Variants in BTG3 observed in about 807,000 individuals in gnomAD.
BTG3 encodes the protein BTG anti-proliferation factor 3.
Under a neutral mutation model 25.8 loss-of-function variants are expected in BTG3, and 4 were observed. The ratio of observed to expected loss-of-function variants is 0.16; its 90% CI spans 0.08 to 0.36. The LOEUF (loss-of-function observed/expected upper bound fraction) is 0.36. Among genes scored for constraint, BTG3 ranks in the 10% least tolerant of loss-of-function variants. The probability of loss-of-function intolerance (pLI) is 1.00; values close to 1 mark genes in which losing one functional copy is unlikely to be tolerated. For missense variants in BTG3, 201 were observed against 304.9 expected, an observed-to-expected ratio of 0.66 and a Z score of 2.54; for synonymous variants, 107 against 99.9, an observed-to-expected ratio of 1.07 and a Z score of -0.42.
At chr21:17,603,656 A>T (rs2061601744) in intron 3 of BTG3, among the ~76,000 whole-genome samples, 1 of 152,186 alleles carries the variant, frequency 6.6e-6, no homozygotes, top group South Asian at 2.1e-4. Flanking sequence ...AACCAAATAG[A>T]AACATCCTAA....
intron 3 of BTG3, among the ~76,000 whole-genome samples, chr21:17,599,890 T>C (rs375861331): frequency 6.6e-6 from 1 of 152,176 alleles, no homozygotes; most frequent in East Asian, 1.9e-4. Context: ...AGGGGGCCTG[T>C]TATTTATACT....
intron 3 of BTG3, among the ~76,000 whole-genome samples, chr21:17,600,933 G>C (rs559617605): frequency 6.6e-6 from 1 of 152,226 alleles, no homozygotes; most frequent in African/African-American, 2.4e-5. Context: ...GGAGGCCAAG[G>C]CGGGTGGATC....
chr21:17,612,632 C>G, intron 1 of BTG3, 67 bp downstream of exon 1: 1 of 152,206 alleles, frequency 6.6e-6, no homozygotes, highest in Middle Eastern at 3.2e-3. Flanking sequence ...GCAGGGGCGA[C>G]GGGACCACCC....
rs770438493 is a variant in BTG3 at position 17,594,293 on chromosome 21, G to C, written c.559C>G (p.Pro187Ala). ...LIFPPLPMWH[P>A]LPRKKPGMYR... The stretch of plus-strand genomic sequence containing the variant: ...ATTCCTGGCTTTTTTCTGGGCAAAG[G>C]GTGCCACATTGGAAGAGGTGGAAAT... The change falls in exon 5 of 5, where the codon CCT becomes GCT. Residue 187 changes from proline to alanine, a missense_variant. Transcript: ENST00000348354. The C allele has an allele frequency of 1.9e-6, 3 of 1,612,998 alleles. No individual in the cohort carries two copies. The highest frequency in any genetic ancestry group is 1.7e-5 in the Admixed American group (1 of 59,924).
chr21:17,603,649 C>A (rs1217805922), intron 3 of BTG3, among the ~76,000 whole-genome samples: 1 of 152,116 alleles, frequency 6.6e-6, no homozygotes, highest in Non-Finnish European at 1.5e-5. Context: ...ACCTCAAAAC[C>A]AAATAGAAAC....
In BTG3 at chr21:17,593,871, T is replaced by C. The variant is rs2061467636; in HGVS notation, c.*222A>G. ...ATACTCAAGTCCAATATTAAAAACT[T>C]AGGCACTTGACTAACTTTAATAAAA... On this transcript the variant is annotated 3_prime_UTR_variant, in exon 5 of 5. Transcript: ENST00000348354. 1.8e-6 allele frequency: 1 copy of C among 551,166 alleles called. No individual in the cohort carries two copies. Among genetic ancestry groups the C allele is most frequent in the African/African-American group, 1.9e-5 (1 of 51,692 alleles). 34.1% of individuals were successfully genotyped at this position (551,166 alleles called of 1,614,324 possible).
intron 4 of BTG3, among the ~76,000 whole-genome samples, chr21:17,597,903 A>C (rs564469181): frequency 6.6e-6 from 1 of 152,288 alleles, no homozygotes; most frequent in East Asian, 1.9e-4. Flanking sequence ...GGTATGTTTC[A>C]CATTTAATCA....
intron 4 of BTG3, among the ~76,000 whole-genome samples, chr21:17,594,542 G>A (rs1569169985): frequency 6.6e-6 from 1 of 151,956 alleles, no homozygotes; most frequent in Non-Finnish European, 1.5e-5. Flanking sequence ...AATGCATAAA[G>A]AAATGAATAA....
At chr21:17,600,009 A>ATAACT (rs2061552728) in intron 3 of BTG3, among the ~76,000 whole-genome samples, 1 of 152,206 alleles carries the variant, frequency 6.6e-6, no homozygotes, top group African/African-American at 2.4e-5. Context: ...GTTTCCTAGG[A>ATAACT]TAACTACTCA....
chr21:17,608,373 C>CAA lies in BTG3; in HGVS notation c.173+597_173+598dup, dbSNP rs36108840. 7.7e-4 allele frequency among the ~76,000 whole-genome samples: 106 copies of CAA among 137,136 alleles called. No individual in the cohort carries two copies. The East Asian group carries it at 0.012, about 15-fold the overall frequency. The allele number at this position is 137,136 out of a possible 152,430, so 90.0% of individuals were successfully genotyped here. A position where few individuals can be genotyped will look rare whatever the true frequency, so the allele number is the denominator to read the frequency against. The stretch of plus-strand genomic sequence containing the variant: ...GGGTGACAGAGCAAAAACAATACCA[C>CAA]AAAAAAAAAAAACTCCCAGAAAAGC... On this transcript the variant is annotated intron_variant, in intron 2 of 4. Coordinates refer to ENST00000348354, the MANE Select transcript of BTG3 (RefSeq NM_006806.5).
intron 3 of BTG3, among the ~76,000 whole-genome samples, chr21:17,603,660 A>G (rs2061601774): frequency 6.6e-6 from 1 of 152,150 alleles, no homozygotes; most frequent in Non-Finnish European, 1.5e-5. Context: ...AAATAGAAAC[A>G]TCCTAAAGGC....
At chr21:17,610,671 G>T (rs1250965617) in intron 1 of BTG3, among the ~76,000 whole-genome samples, 1 of 152,158 alleles carries the variant, frequency 6.6e-6, no homozygotes, top group African/African-American at 2.4e-5. Context: ...CTGTAACCTG[G>T]AGTTATTAAG....
intron 3 of BTG3, 63 bp from the exon 4 acceptor site, chr21:17,598,887 T>A (rs1304613066): frequency 2.2e-6 from 3 of 1,353,514 alleles, no homozygotes; most frequent in Non-Finnish European, 3.0e-6. Context: ...AAAATGTCCA[T>A]AAAAACAAAG....
rs1466174746 is a variant in BTG3 at position 17,594,044 on chromosome 21, T to C, written c.*49A>G. ...TTTTAACTTTTAATGTGTAGTAAGG[T>C]TTATTCTACCTTTTTCTCAACATGA... On this transcript the variant is annotated 3_prime_UTR_variant, in exon 5 of 5. Coordinates refer to ENST00000348354, the MANE Select transcript of BTG3 (RefSeq NM_006806.5). 1 of 1,587,680 alleles carries C rather than the reference T, an allele frequency of 6.3e-7. No individual in the cohort carries two copies. The highest frequency in any genetic ancestry group is 1.2e-5 in the South Asian group (1 of 85,546).
At position 17,607,412 on chromosome 21, in the gene BTG3, AGAGAT is replaced by A. The variant is rs2061658339; in HGVS notation, c.173+1555_173+1559del. On this transcript the variant is annotated intron_variant, in intron 2 of 4. Coordinates refer to ENST00000348354, the MANE Select transcript of BTG3 (RefSeq NM_006806.5). ...TGCAAAAAAAAAATTAAGATAATCA[AGAGAT>A]AAGATAAAAAATGACTTGAGCCTGT... Among the ~76,000 whole-genome samples the A allele has an allele frequency of 4.6e-5, 7 of 152,336 alleles. No individual in the cohort carries two copies. In the South Asian group the frequency reaches 1.4e-3, roughly 32 times the overall value.
chr21:17,593,962 C>T lies in BTG3; in HGVS notation c.*131G>A. 1 of 1,076,640 alleles carries T rather than the reference C, an allele frequency of 9.3e-7. No individual in the cohort carries two copies. The highest frequency in any genetic ancestry group is 1.3e-6 in the Non-Finnish European group (1 of 776,216). The allele number at this position is 1,076,640 out of a possible 1,614,324, so 66.7% of individuals were successfully genotyped here. ...TAAGAAAGATTATTCTCAATAACTT[C>T]TATAAAAATAAGTTTGATGGTTTGG... is the stretch of plus-strand genomic sequence containing the variant. On this transcript the variant is annotated 3_prime_UTR_variant, in exon 5 of 5. Transcript: ENST00000348354.
chr21:17,598,581 C>T, intron 4 of BTG3, 36 bp downstream of exon 4: 1 of 1,578,136 alleles, frequency 6.3e-7, no homozygotes, highest in Non-Finnish European at 8.7e-7. Context: ...GCAATCCCTG[C>T]ACATCCCTTT....
At chr21:17,610,806 A>G (rs1224777229) in intron 1 of BTG3, among the ~76,000 whole-genome samples, 1 of 152,236 alleles carries the variant, frequency 6.6e-6, no homozygotes, top group Non-Finnish European at 1.5e-5. Flanking sequence ...CACATTTCCA[A>G]AAAAATAAAG....
chr21:17,610,904 G>A (rs888286908), intron 1 of BTG3, among the ~76,000 whole-genome samples: 1 of 152,084 alleles, frequency 6.6e-6, no homozygotes, highest in Non-Finnish European at 1.5e-5. Context: ...TTCAAACAAG[G>A]AACCTCACTG....
Sources: gnomAD v4.1 joint callset for allele counts (sites outside exome capture counted in the v4.1 genomes callset) on GRCh38, gnomAD v4.1.1 for gene constraint, MANE v1.5 for transcripts, NCBI Gene and HGNC (gene_info 2026-07-23, HGNC 2026-07-21) for gene names.